Variants in TACR3 observed in about 807,000 individuals in gnomAD.
The protein encoded by TACR3 is tachykinin receptor 3, also known as neuromedin-K receptor.
Under a neutral mutation model 35.0 loss-of-function variants are expected in TACR3, and 34 were observed. The observed-to-expected ratio is 0.97, with a 90% CI of 0.74 to 1.30. TACR3 has a LOEUF of 1.30. Among genes scored for constraint, TACR3 ranks in the 50% most tolerant of loss-of-function variants. TACR3 has a pLI of 0.00. For synonymous variants in TACR3, 233 were observed against 221.1 expected (o/e 1.05, Z -0.48); for missense variants, 558 against 591.7 (o/e 0.94, Z 0.59).
intron 2 of TACR3, 32 bp downstream of exon 2, chr4:103,658,183 G>A: frequency 1.9e-6 from 3 of 1,603,556 alleles, no homozygotes; most frequent in Non-Finnish European, 2.6e-6. Flanking sequence ...TTGATAAACT[G>A]AATTGAAAAC....
intron 1 of TACR3, among the ~76,000 whole-genome samples, chr4:103,715,689 A>C (rs1280616112): frequency 3.9e-5 from 6 of 152,198 alleles, no homozygotes; most frequent in Non-Finnish European, 8.8e-5. Context: ...TATATGTTAT[A>C]ATAAAACTTC....
At position 103,588,731 on chromosome 4, in the gene TACR3, C is replaced by T. The variant is rs1229900348; in HGVS notation, c.*951G>A. On this transcript the variant is annotated 3_prime_UTR_variant, in exon 5 of 5. Transcript: ENST00000304883. ...TTTTCAACCATATAGTCTTTTGTCA[C>T]ACTTGTGACTTTTTTTCCCTAAGGA... 1.3e-5 allele frequency: 2 copies of T among 152,072 alleles called. No homozygotes were observed. Among genetic ancestry groups the T allele is most frequent in the Non-Finnish European group, 2.9e-5 (2 of 67,974 alleles). The allele number at this position is 152,072 out of a possible 1,614,324, so 9.4% of individuals were successfully genotyped here. A position where few individuals can be genotyped will look rare whatever the true frequency, so the allele number is the denominator to read the frequency against.
chr4:103,617,729 A>C (rs1398416647), intron 3 of TACR3, among the ~76,000 whole-genome samples: 1 of 152,208 alleles, frequency 6.6e-6, no homozygotes, highest in Non-Finnish European at 1.5e-5. Flanking sequence ...CATTTGAGTC[A>C]TGGTTTAAGA....
At chr4:103,711,949 A>C (rs1464068028) in intron 1 of TACR3, among the ~76,000 whole-genome samples, 1 of 152,200 alleles carries the variant, frequency 6.6e-6, no homozygotes, top group Non-Finnish European at 1.5e-5. Flanking sequence ...GATGTGAAGG[A>C]CCTCTTCAAG....
intron 3 of TACR3, among the ~76,000 whole-genome samples, chr4:103,653,762 C>A (rs539171639): frequency 6.6e-5 from 10 of 152,048 alleles, no homozygotes; most frequent in African/African-American, 2.4e-4. Flanking sequence ...GAACAGGCAA[C>A]CCACAAAATG....
intron 1 of TACR3, among the ~76,000 whole-genome samples, chr4:103,663,296 C>A (rs1725872269): frequency 6.6e-6 from 1 of 152,096 alleles, no homozygotes; most frequent in Non-Finnish European, 1.5e-5. Flanking sequence ...GAGTTTGAGA[C>A]CAGCCTGGCC....
At chr4:103,600,018 TCAGAAG>T (rs917381887) in intron 3 of TACR3, among the ~76,000 whole-genome samples, 5 of 152,172 alleles carry the variant, frequency 3.3e-5, no homozygotes, top group African/African-American at 1.2e-4. Flanking sequence ...TGGAATAGTT[TCAGAAG>T]GAATGGTATC....
rs538633283 is a variant in TACR3, at chr4:103,702,803, A to G, written c.548+16325T>C. 5.3e-5 allele frequency among the ~76,000 whole-genome samples: 8 copies of G among 151,354 alleles called. No homozygotes were observed. The South Asian group carries it at 1.7e-3, about 32-fold the overall frequency. On this transcript the variant is annotated intron_variant, in intron 1 of 4. Transcript: ENST00000304883. ...ATTCTCAGCAAACTATCACAAGGAC[A>G]AAAAACCAAACATCACATGTTCTCA...
At chr4:103,677,940 A>T in intron 1 of TACR3, among the ~76,000 whole-genome samples, 1 of 152,112 alleles carries the variant, frequency 6.6e-6, no homozygotes, top group African/African-American at 2.4e-5. Flanking sequence ...AGAAAAAAAA[A>T]AGCATATGCC....
chr4:103,699,544 C>G (rs1335323192), intron 1 of TACR3, among the ~76,000 whole-genome samples: 1 of 152,062 alleles, frequency 6.6e-6, no homozygotes, highest in African/African-American at 2.4e-5. Context: ...GCACTGAGAA[C>G]AAACTTAAGG....
chr4:103,655,038 G>T (rs953804601), intron 3 of TACR3, among the ~76,000 whole-genome samples: 2 of 152,100 alleles, frequency 1.3e-5, no homozygotes. Flanking sequence ...AAATAAAATT[G>T]AATTACATAC....
intron 3 of TACR3, among the ~76,000 whole-genome samples, chr4:103,641,685 T>A (rs76643670): frequency 0.038 from 5,706 of 152,094 alleles, 139 homozygotes; most frequent in Non-Finnish European, 0.055. Flanking sequence ...TCCCAGTTTA[T>A]TGCAACATTA....
At chr4:103,597,959 G>T (rs892865845) in intron 3 of TACR3, among the ~76,000 whole-genome samples, 43 of 152,170 alleles carry the variant, frequency 2.8e-4, no homozygotes, top group Non-Finnish European at 5.0e-4. Context: ...ATCCTTTGGG[G>T]ATATACCCAG....
rs1367853264 is a variant in TACR3 at position 103,695,379 on chromosome 4, C to G, written c.548+23749G>C. On this transcript the variant is annotated intron_variant, in intron 1 of 4. Coordinates refer to ENST00000304883, the MANE Select transcript of TACR3 (RefSeq NM_001059.3). ...AGATCAACCCCTCTTTCTTCCTCCT[C>G]CTTCTCAGCCTACTCAACAAGATGA... Among the ~76,000 whole-genome samples, 4 of 152,154 alleles carry G rather than the reference C, an allele frequency of 2.6e-5. No individual in the cohort carries two copies. In the East Asian group the frequency reaches 7.7e-4, roughly 29 times the overall value.
intron 1 of TACR3, among the ~76,000 whole-genome samples, chr4:103,708,046 G>A (rs935242486): frequency 6.6e-5 from 10 of 152,196 alleles, no homozygotes; most frequent in African/African-American, 2.4e-4. Context: ...AAGGAGGCCT[G>A]CCTGCCTCTG....
chr4:103,700,830 G>C (rs1046458901), intron 1 of TACR3, among the ~76,000 whole-genome samples: 10 of 152,080 alleles, frequency 6.6e-5, no homozygotes, highest in Non-Finnish European at 7.4e-5. Context: ...TGCAGAAAAG[G>C]CCTTTGACAA....
chr4:103,617,309 AAG>A (rs954481395), intron 3 of TACR3, among the ~76,000 whole-genome samples: 4 of 152,182 alleles, frequency 2.6e-5, no homozygotes, highest in Admixed American at 6.5e-5. Context: ...TATTTAAAGA[AAG>A]AGAGAAGCAA....
intron 3 of TACR3, among the ~76,000 whole-genome samples, chr4:103,650,799 T>A (rs184489248): frequency 2.8e-3 from 56 of 20,076 alleles, no homozygotes; most frequent in South Asian, 4.5e-3. Flanking sequence ...ATATATATAT[T>A]TTATATATAA....
At chr4:103,611,870 A>T (rs895496068) in intron 3 of TACR3, among the ~76,000 whole-genome samples, 1 of 152,156 alleles carries the variant, frequency 6.6e-6, no homozygotes, top group Non-Finnish European at 1.5e-5. Flanking sequence ...TCACTGCCCC[A>T]TTCAATCACT....
Sources: allele counts gnomAD v4.1 joint callset (sites outside exome capture counted in the v4.1 genomes callset), GRCh38; gene constraint gnomAD v4.1.1; transcripts MANE v1.5; gene names NCBI Gene and HGNC (gene_info 2026-07-23, HGNC 2026-07-21).